NUB1: variants seen among roughly 807,000 people sequenced by gnomAD.
The protein encoded by NUB1 is NEDD8 ultimate buster 1.
A neutral mutation model predicts 77.1 loss-of-function variants in NUB1; 41 were observed. That is an observed-to-expected ratio of 0.53 (90% CI 0.41 to 0.69). The LOEUF is 0.69. Among genes scored for constraint, NUB1 ranks in the 30% least tolerant of loss-of-function variants. The probability of loss-of-function intolerance (pLI) is 0.00; values close to 1 mark genes in which losing one functional copy is unlikely to be tolerated. For missense variants in NUB1, 643 were observed against 743.8 expected (o/e 0.86, Z 1.58); for synonymous variants, 257 against 281.0 (o/e 0.91, Z 0.85).
chr7:151,360,595 C>G (rs1273090446), intron 8 of NUB1: 1 of 194,158 alleles, frequency 5.2e-6, no homozygotes, highest in Non-Finnish European at 1.1e-5. Flanking sequence ...TGTTTAAGAG[C>G]TGTATAATGG....
intron 1 of NUB1, among the ~76,000 whole-genome samples, chr7:151,344,163 A>C: frequency 8.9e-6 from 1 of 112,546 alleles, no homozygotes; most frequent in Non-Finnish European, 1.8e-5. Flanking sequence ...CCTGGGCGAC[A>C]GAGTGAGACT....
intron 5 of NUB1, among the ~76,000 whole-genome samples, chr7:151,355,243 AAAG>A (rs1234516776): frequency 5.3e-5 from 8 of 152,364 alleles, no homozygotes; most frequent in Admixed American, 1.3e-4. Context: ...GGCTGAGAAT[AAAG>A]AAGATTAGAA....
Position 151,374,260 on chromosome 7 carries a change from G to A in NUB1, c.1395+17G>A, listed in dbSNP as rs1318905414. ...GCCCTGAAGGTAGCAGCTCCCTCGG[G>A]GCCTCTGGCCTTGTCCCTGAGCAGT... On this transcript the variant is annotated intron_variant, in intron 12 of 14. Transcript: ENST00000568733. 2 of 1,551,034 alleles carry A rather than the reference G, an allele frequency of 1.3e-6. No individual in the cohort carries two copies. Among genetic ancestry groups the A allele is most frequent in the Non-Finnish European group, 1.7e-6 (2 of 1,147,216 alleles).
rs1796663399 is a variant in NUB1, at chr7:151,349,085, C to G, written c.130C>G (p.Gln44Glu). The G allele has an allele frequency of 1.9e-6, 3 of 1,609,820 alleles. No individual in the cohort carries two copies. ...TTTTTCTTGATAGGACCTTGCTAAG[C>G]AGTACTCTGACAGACTAGAATGCTG... ...VGLALKDLAKQYSDRLECCEN... is the reference protein window; with the variant it reads ...VGLALKDLAKEYSDRLECCEN... Residue 44 changes from glutamine to glutamate, a missense_variant, in exon 3 of 15, where the codon CAG becomes GAG. Physicochemically the swap from Gln to Glu is conservative, Grantham distance 29. Coordinates refer to ENST00000568733, the MANE Select transcript of NUB1 (RefSeq NM_001243351.2).
At chr7:151,369,084 T>G (rs548603646) in intron 11 of NUB1, 197 bp downstream of exon 11, 13 of 488,292 alleles carry the variant, frequency 2.7e-5, no homozygotes, top group African/African-American at 2.6e-4. Context: ...CTTGGCTCAC[T>G]GCAAGCTCCG....
intron 11 of NUB1, 146 bp downstream of exon 11, chr7:151,369,033 A>G: frequency 1.1e-6 from 1 of 934,108 alleles, no homozygotes. Context: ...CTTGAGACAG[A>G]GTCTCACTTT....
rs571977318 is a variant in NUB1 at position 151,369,325 on chromosome 7, A to G, written c.1248+438A>G. The stretch of plus-strand genomic sequence containing the variant: ...GCCTGGCCGAAACTTGTCTTTTTCA[A>G]TTGGATCATTTTTCACATGCTGCAG... On this transcript the variant is annotated intron_variant, in intron 11 of 14. Coordinates refer to ENST00000568733, the MANE Select transcript of NUB1 (RefSeq NM_001243351.2). 3.3e-5 allele frequency: 5 copies of G among 152,830 alleles called. No homozygotes were observed. The East Asian group carries it at 5.8e-4, about 18-fold the overall frequency. 9.5% of individuals were successfully genotyped at this position (152,830 alleles called of 1,614,324 possible). A position where few individuals can be genotyped will look rare whatever the true frequency, so the allele number is the denominator to read the frequency against.
chr7:151,357,235 T>A (rs1398336950), intron 7 of NUB1, among the ~76,000 whole-genome samples: 1 of 151,626 alleles, frequency 6.6e-6, no homozygotes, highest in Non-Finnish European at 1.5e-5. Context: ...GCCATTCTCC[T>A]GCTTCAGCCT....
At chr7:151,369,254 C>T (rs569619405) in intron 11 of NUB1, 1 of 156,358 alleles carries the variant, frequency 6.4e-6, no homozygotes, top group East Asian at 1.9e-4. Flanking sequence ...GTGATGCGCC[C>T]ACCTCAGTTT....
At chr7:151,364,547 C>T (rs1425588344) in intron 8 of NUB1, among the ~76,000 whole-genome samples, 2 of 152,036 alleles carry the variant, frequency 1.3e-5, no homozygotes, top group African/African-American at 4.8e-5. Context: ...GTTTTTGAGA[C>T]GGAGTCTCGC....
chr7:151,364,776 A>T lies in NUB1; in HGVS notation c.801-2163A>T, dbSNP rs567547752. ...GGTGATCTGCCCGCCTCGGCCTCCC[A>T]AAGTGCTGGGATTACAAGCGTGAGC... is the stretch of plus-strand genomic sequence containing the variant. On this transcript the variant is annotated intron_variant, in intron 8 of 14. Coordinates refer to ENST00000568733, the MANE Select transcript of NUB1 (RefSeq NM_001243351.2). 2.6e-5 allele frequency among the ~76,000 whole-genome samples: 4 copies of T among 152,270 alleles called. No individual in the cohort carries two copies. The South Asian group carries it at 8.3e-4, about 32-fold the overall frequency.
chr7:151,376,953 A>G, intron 14 of NUB1, 94 bp from the exon 15 acceptor site: 2 of 1,407,736 alleles, frequency 1.4e-6, no homozygotes, highest in Non-Finnish European at 1.9e-6. Flanking sequence ...CAGTGTGGCC[A>G]GCAAGAGGCA....
chr7:151,355,534 G>T (rs984875360), intron 5 of NUB1, among the ~76,000 whole-genome samples: 3 of 152,196 alleles, frequency 2.0e-5, no homozygotes, highest in African/African-American at 7.2e-5. Context: ...TTAACTGGGT[G>T]TGATGGCATG....
chr7:151,342,172 A>C (rs1216248390), intron 1 of NUB1, among the ~76,000 whole-genome samples: 2 of 152,222 alleles, frequency 1.3e-5, no homozygotes, highest in East Asian at 3.8e-4. Flanking sequence ...CAAATGCTAT[A>C]CTTGAATCGT....
intron 11 of NUB1, among the ~76,000 whole-genome samples, chr7:151,371,914 C>G (rs890648886): frequency 6.6e-6 from 1 of 152,134 alleles, no homozygotes; most frequent in Non-Finnish European, 1.5e-5. Flanking sequence ...ACCATGTTGC[C>G]CAGGCCAGTC....
At chr7:151,343,055 G>C (rs1326553667) in intron 1 of NUB1, among the ~76,000 whole-genome samples, 1 of 152,222 alleles carries the variant, frequency 6.6e-6, no homozygotes, top group African/African-American at 2.4e-5. Flanking sequence ...CTGTCCCCCA[G>C]TGGGGAGACA....
chr7:151,367,015 C>G lies in NUB1; in HGVS notation c.877C>G (p.Arg293Gly). 2 of 1,613,758 alleles carry G rather than the reference C, an allele frequency of 1.2e-6. No homozygotes were observed. Among genetic ancestry groups the G allele is most frequent in the Middle Eastern group, 1.6e-4 (1 of 6,062 alleles). ...GCTGGATATAGTGTGGTGTTACTTC[C>G]GCCTGGAACAGCTGGAATGCCTTGA... is the stretch of plus-strand genomic sequence containing the variant. ...LQLDIVWCYFRLEQLECLDDA... is the reference protein window; with the variant it reads ...LQLDIVWCYFGLEQLECLDDA... Residue 293 changes from arginine to glycine, a missense_variant, in exon 9 of 15, where the codon CGC becomes GGC. Transcript: ENST00000568733.
intron 5 of NUB1, among the ~76,000 whole-genome samples, chr7:151,354,648 A>G (rs967006765): frequency 5.3e-5 from 8 of 151,868 alleles, no homozygotes; most frequent in African/African-American, 1.7e-4. Context: ...TCTGCCCTTT[A>G]TTTCTAATTT....
rs545250801 is a variant in NUB1 at position 151,352,620 on chromosome 7, T to A, written c.345-192T>A. 5.9e-4 allele frequency among the ~76,000 whole-genome samples: 90 copies of A among 152,212 alleles called. No individual in the cohort carries two copies. In the East Asian group the frequency reaches 0.011, roughly 19 times the overall value. ...ACCAGGCCTGGCTAATTTTTAAAAATTTTTTGTAGAGATAGGATCTCTCTG... is the reference window on the plus strand; with the variant it reads ...ACCAGGCCTGGCTAATTTTTAAAAAATTTTTGTAGAGATAGGATCTCTCTG... On this transcript the variant is annotated intron_variant, in intron 4 of 14. Coordinates refer to ENST00000568733, the MANE Select transcript of NUB1 (RefSeq NM_001243351.2).
Sources: gnomAD v4.1 joint callset for allele counts (sites outside exome capture counted in the v4.1 genomes callset) on GRCh38, gnomAD v4.1.1 for gene constraint, MANE v1.5 for transcripts, NCBI Gene and HGNC (gene_info 2026-07-23, HGNC 2026-07-21) for gene names.